The following TBC1D32 variants were observed in gnomAD, a reference collection of about 807,000 sequenced individuals.
TBC1D32 encodes protein broad-minded.
Under a neutral mutation model 170.3 loss-of-function variants are expected in TBC1D32, and 151 were observed. The observed-to-expected ratio is 0.89, with a 90% CI of 0.78 to 1.01. TBC1D32 has a LOEUF of 1.01. TBC1D32 is among the 50% of genes least tolerant of loss of function. The pLI is 0.00. For synonymous variants in TBC1D32, 498 were observed against 488.0 expected (o/e 1.02, Z -0.27); for missense variants, 1,464 against 1,457.1 (o/e 1.00, Z -0.08).
At chr6:121,289,008 A>C (rs12529694) in intron 12 of TBC1D32, among the ~76,000 whole-genome samples, 17,631 of 152,188 alleles carry the variant, frequency 0.12, 1,467 homozygotes, top group Admixed American at 0.23. Context: ...GTATCTCAAA[A>C]TAATAAGAGC....
chr6:121,108,474 T>A (rs1194640480), intron 29 of TBC1D32, among the ~76,000 whole-genome samples: 1 of 152,042 alleles, frequency 6.6e-6, no homozygotes, highest in African/African-American at 2.4e-5. Context: ...ACAACAGCAT[T>A]TAGCATCATC....
At chr6:121,157,764 C>A (rs1170531236) in intron 24 of TBC1D32, among the ~76,000 whole-genome samples, 2 of 152,046 alleles carry the variant, frequency 1.3e-5, no homozygotes, top group African/African-American at 4.8e-5. Flanking sequence ...TACCCTGAAG[C>A]TGAGTTTGGT....
Position 121,279,355 on chromosome 6 carries a change from A to G in TBC1D32, c.1609-110T>C. ...TAGTCTTATAAAGTTATATTACAAC[A>G]AAAAACAAGCTTAATGATTTGTTTG... On this transcript the variant is annotated intron_variant, in intron 14 of 31. Coordinates refer to ENST00000398212, the MANE Select transcript of TBC1D32 (RefSeq NM_152730.6). 13 of 1,233,476 alleles carry G rather than the reference A, an allele frequency of 1.1e-5. No individual in the cohort carries two copies. The South Asian group carries it at 1.9e-4, about 18-fold the overall frequency. The allele number at this position is 1,233,476 out of a possible 1,614,324, so 76.4% of individuals were successfully genotyped here. A position where few individuals can be genotyped will look rare whatever the true frequency, so the allele number is the denominator to read the frequency against.
intron 1 of TBC1D32, among the ~76,000 whole-genome samples, chr6:121,328,420 C>A (rs576590609): frequency 2.6e-5 from 4 of 151,780 alleles, no homozygotes; most frequent in Admixed American, 2.0e-4. Flanking sequence ...CGAGTAGCGA[C>A]GACTACAGAT....
chr6:121,234,835 G>A (rs1250880409), intron 20 of TBC1D32, among the ~76,000 whole-genome samples: 1 of 152,092 alleles, frequency 6.6e-6, no homozygotes, highest in Non-Finnish European at 1.5e-5. Flanking sequence ...CTTCTCATTT[G>A]AGTAGACTAC....
intron 30 of TBC1D32, among the ~76,000 whole-genome samples, chr6:121,104,660 A>C (rs1290244930): frequency 6.6e-6 from 1 of 151,788 alleles, no homozygotes; most frequent in East Asian, 1.9e-4. Context: ...ACCATAGGCA[A>C]AGAGAAAATA....
At chr6:121,215,474 C>T (rs1226599753) in intron 21 of TBC1D32, among the ~76,000 whole-genome samples, 1 of 152,194 alleles carries the variant, frequency 6.6e-6, no homozygotes, top group Non-Finnish European at 1.5e-5. Flanking sequence ...GACAAAGACG[C>T]CAAAACCAAT....
intron 24 of TBC1D32, among the ~76,000 whole-genome samples, chr6:121,151,012 G>A (rs1168231344): frequency 6.6e-6 from 1 of 152,048 alleles, no homozygotes; most frequent in African/African-American, 2.4e-5. Flanking sequence ...CTTCAGGTCT[G>A]CTCTGATCTT....
chr6:121,172,668 G>A (rs1285633959), intron 22 of TBC1D32, among the ~76,000 whole-genome samples: 1 of 152,178 alleles, frequency 6.6e-6, no homozygotes. Context: ...GCAGAAATGA[G>A]AACTGTAATT....
chr6:121,281,741 T>G (rs970116442), intron 13 of TBC1D32, 55 bp from the exon 14 acceptor site: 11 of 1,390,536 alleles, frequency 7.9e-6, no homozygotes, highest in Non-Finnish European at 1.1e-5. Context: ...TAGAACTATT[T>G]TATGTTAGCT....
intron 15 of TBC1D32, among the ~76,000 whole-genome samples, chr6:121,266,181 C>T (rs1330428092): frequency 6.6e-6 from 1 of 151,910 alleles, no homozygotes; most frequent in Non-Finnish European, 1.5e-5. Flanking sequence ...CATCTGACAA[C>T]ATATAATACC....
chr6:121,124,927 G>A (rs1780668305), intron 26 of TBC1D32, among the ~76,000 whole-genome samples: 1 of 152,002 alleles, frequency 6.6e-6, no homozygotes, highest in Non-Finnish European at 1.5e-5. Flanking sequence ...ATAAGTTTCT[G>A]AATTGATCTT....
At chr6:121,134,082 T>C (rs1014872623) in intron 24 of TBC1D32, among the ~76,000 whole-genome samples, 2 of 152,128 alleles carry the variant, frequency 1.3e-5, no homozygotes, top group African/African-American at 4.8e-5. Flanking sequence ...ATTGTTTTCA[T>C]TTAAAATATC....
At chr6:121,261,405 C>T (rs989497222) in intron 15 of TBC1D32, among the ~76,000 whole-genome samples, 1 of 152,152 alleles carries the variant, frequency 6.6e-6, no homozygotes, top group Non-Finnish European at 1.5e-5. Flanking sequence ...GGTCAGAGAT[C>T]CCAGAGGAAA....
intron 24 of TBC1D32, among the ~76,000 whole-genome samples, chr6:121,136,662 GCAAAAGA>G (rs1782119454): frequency 2.0e-5 from 3 of 152,112 alleles, no homozygotes; most frequent in Non-Finnish European, 4.4e-5. Flanking sequence ...GAAGCTGACT[GCAAAAGA>G]CAAAGGGAAT....
intron 15 of TBC1D32, among the ~76,000 whole-genome samples, chr6:121,260,638 G>A (rs1799636893): frequency 1.3e-5 from 2 of 152,140 alleles, no homozygotes; most frequent in African/African-American, 4.8e-5. Context: ...CCATGGAACT[G>A]TGCTGCCCAT....
chr6:121,162,561 T>G (rs536561594), intron 22 of TBC1D32, among the ~76,000 whole-genome samples: 2 of 152,096 alleles, frequency 1.3e-5, no homozygotes, highest in Non-Finnish European at 2.9e-5. Context: ...AGGGCAATCA[T>G]GCAAGAGAAA....
chr6:121,281,812 C>T, intron 13 of TBC1D32, 126 bp from the exon 14 acceptor site: 1 of 626,678 alleles, frequency 1.6e-6, no homozygotes, highest in African/African-American at 1.9e-5. Flanking sequence ...TCATACAACT[C>T]AATATCCAAA....
chr6:121,207,843 T>C (rs756995611), intron 21 of TBC1D32, among the ~76,000 whole-genome samples: 3 of 152,210 alleles, frequency 2.0e-5, no homozygotes, highest in Non-Finnish European at 2.9e-5. Flanking sequence ...TGTTTACAAC[T>C]GCCCCAATAG....
Sources: allele counts gnomAD v4.1 joint callset (sites outside exome capture counted in the v4.1 genomes callset), GRCh38; gene constraint gnomAD v4.1.1; transcripts MANE v1.5; gene names NCBI Gene and HGNC (gene_info 2026-07-23, HGNC 2026-07-21).